The following ATP2B4 variants were observed in gnomAD, a reference collection of about 807,000 sequenced individuals.
ATP2B4 encodes the protein plasma membrane calcium-transporting ATPase 4.
A neutral mutation model predicts 110.3 loss-of-function variants in ATP2B4; 39 were observed. That is an observed-to-expected ratio of 0.35 (90% confidence interval 0.27 to 0.46). The LOEUF (loss-of-function observed/expected upper bound fraction) is 0.46, where lower values mean the gene tolerates loss of function less well. Among genes scored for constraint, ATP2B4 ranks in the 20% least tolerant of loss-of-function variants. The pLI, the probability that ATP2B4 is intolerant of heterozygous loss-of-function variation, is 1.00. For missense variants in ATP2B4, 1,135 were observed against 1,530.9 expected, an observed-to-expected ratio of 0.74 and a Z score of 4.32; for synonymous variants, 538 against 571.7, an observed-to-expected ratio of 0.94 and a Z score of 0.84.
At chr1:203,699,418 C>A (rs1571736466) in intron 3 of ATP2B4, 42 bp from the exon 4 acceptor site, 1 of 1,607,682 alleles carries the variant, frequency 6.2e-7, no homozygotes, top group East Asian at 2.2e-5. Flanking sequence ...TTAATGTCAA[C>A]AAAAGCCCTT....
chr1:203,683,091 C>A lies in ATP2B4; in HGVS notation c.-115C>A. ...ATATTCAATCTATTCCCTCACTGGG[C>A]CCCCAGAGAAGCAAGAAGTAGGAAG... On this transcript the variant is annotated 5_prime_UTR_variant, in exon 2 of 21. Coordinates refer to ENST00000357681, the MANE Select transcript of ATP2B4 (RefSeq NM_001684.5). The A allele has an allele frequency of 1.7e-6, 2 of 1,186,056 alleles. No homozygotes were observed. The highest frequency in any genetic ancestry group is 2.4e-6 in the Non-Finnish European group (2 of 841,378). The allele number at this position is 1,186,056 out of a possible 1,614,324, so 73.5% of individuals were successfully genotyped here. A position where few individuals can be genotyped will look rare whatever the true frequency, so the allele number is the denominator to read the frequency against.
chr1:203,638,137 G>C (rs1318352069), intron 1 of ATP2B4, among the ~76,000 whole-genome samples: 2 of 152,220 alleles, frequency 1.3e-5, no homozygotes, highest in East Asian at 3.9e-4. Context: ...AGGGGAGATG[G>C]GGAGGAAGGG....
Position 203,711,093 on chromosome 1 carries a change from C to T in ATP2B4, c.2016C>T (p.Asp672=). ...GTATCGCGGTGGTGGGCATTGAGGA[C>T]CCTGTGCGCCCAGAGGTGAGAGGGT... ...LTCIAVVGIE[D]PVRPEVPDAI... The change falls in exon 12 of 21, where the codon GAC becomes GAT. Residue 672 remains aspartate (D), a synonymous_variant. Coordinates refer to ENST00000357681, the MANE Select transcript of ATP2B4 (RefSeq NM_001684.5). 1 of 1,613,984 alleles carries T rather than the reference C, an allele frequency of 6.2e-7. No homozygotes were observed. The highest frequency in any genetic ancestry group is 8.5e-7 in the Non-Finnish European group (1 of 1,179,976).
chr1:203,679,866 G>A (rs1488842558), intron 1 of ATP2B4, among the ~76,000 whole-genome samples: 1 of 151,410 alleles, frequency 6.6e-6, no homozygotes, highest in Non-Finnish European at 1.5e-5. Context: ...TGGCAACAGA[G>A]CGAGGCTCCA....
intron 1 of ATP2B4, among the ~76,000 whole-genome samples, chr1:203,678,210 T>C (rs950671392): frequency 2.6e-5 from 4 of 152,212 alleles, no homozygotes; most frequent in African/African-American, 7.2e-5. Context: ...TACCCTACTC[T>C]ATAACCTATA....
rs183923013 is a variant in ATP2B4 at position 203,679,868 on chromosome 1, G to A, written c.-464-2874G>A. Among the ~76,000 whole-genome samples, 17 of 151,572 alleles carry A rather than the reference G, an allele frequency of 1.1e-4. No homozygotes were observed. The East Asian group carries it at 1.7e-3, about 16-fold the overall frequency. On this transcript the variant is annotated intron_variant, in intron 1 of 20. Transcript: ENST00000357681. ...CTGCACTCCAGCCTGGCAACAGAGC[G>A]AGGCTCCATCTCAAAAACAAACAAA...
chr1:203,720,555 G>T lies in ATP2B4; in HGVS notation c.2413G>T (p.Ala805Ser). The T allele has an allele frequency of 6.2e-7, 1 of 1,603,116 alleles. No homozygotes were observed. The highest frequency in any genetic ancestry group is 1.1e-5 in the South Asian group (1 of 88,844). The part of the protein sequence containing the change: ...KADVGFAMGI[A>S]GTDVAKEASD... ...CCCTCCCATCTTACCTCAGGGCATC[G>T]CAGGCACAGATGTAGCAAAGGAGGC... The change falls in exon 16 of 21, where the codon GCA (alanine) becomes TCA (serine). Residue 805 changes from alanine to serine, a missense_variant. Around this residue, in one of 9 missense-constraint regions of ATP2B4, gnomAD observed 70 missense variants for 142.4 expected, o/e 0.49. Coordinates refer to ENST00000357681, the MANE Select transcript of ATP2B4 (RefSeq NM_001684.5).
In ATP2B4 at chr1:203,699,723, A is replaced by T; in HGVS notation, c.649+6A>T. 2 of 1,612,682 alleles carry T rather than the reference A, an allele frequency of 1.2e-6. No individual in the cohort carries two copies. The highest frequency in any genetic ancestry group is 2.7e-5 in the African/African-American group (2 of 74,974). On this transcript the variant is annotated splice_donor_region_variant and intron_variant, in intron 4 of 20. Transcript: ENST00000357681. ...TATTGCCCAAGTCAAATACGGTGAGAGCTCCGTGTTTCTTTTGCTTACCCC... is the reference window on the plus strand; with the variant it reads ...TATTGCCCAAGTCAAATACGGTGAGTGCTCCGTGTTTCTTTTGCTTACCCC...
At chr1:203,692,930 C>T (rs1442846546) in intron 2 of ATP2B4, among the ~76,000 whole-genome samples, 1 of 152,220 alleles carries the variant, frequency 6.6e-6, no homozygotes, top group Non-Finnish European at 1.5e-5. Context: ...CTCTTTGCCT[C>T]TCCCAGCTCA....
intron 15 of ATP2B4, 27 bp from the exon 16 acceptor site, chr1:203,720,522 A>T (rs758917830): frequency 8.2e-6 from 13 of 1,576,148 alleles, no homozygotes; most frequent in Non-Finnish European, 1.1e-5. Flanking sequence ...CCACTCCCTC[A>T]CTGTTTTCCC....
At chr1:203,653,040 G>A (rs552986127) in intron 1 of ATP2B4, among the ~76,000 whole-genome samples, 1 of 152,338 alleles carries the variant, frequency 6.6e-6, no homozygotes, top group Admixed American at 6.5e-5. Context: ...TCTTGTACCA[G>A]TTAGCCAAGC....
At chr1:203,667,100 C>T (rs956996639) in intron 1 of ATP2B4, among the ~76,000 whole-genome samples, 2 of 152,126 alleles carry the variant, frequency 1.3e-5, no homozygotes, top group Non-Finnish European at 2.9e-5. Flanking sequence ...TATAGGTGCG[C>T]ACCACCATGC....
chr1:203,643,827 G>C (rs1310293481), intron 1 of ATP2B4, among the ~76,000 whole-genome samples: 1 of 152,188 alleles, frequency 6.6e-6, no homozygotes, highest in African/African-American at 2.4e-5. Flanking sequence ...TGTTGGTTTT[G>C]GCTGCAGCGT....
At chr1:203,662,447 A>G (rs1664368812) in intron 1 of ATP2B4, among the ~76,000 whole-genome samples, 2 of 152,200 alleles carry the variant, frequency 1.3e-5, no homozygotes, top group African/African-American at 4.8e-5. Context: ...CTCTGTACCC[A>G]TTAAACAATA....
intron 13 of ATP2B4, among the ~76,000 whole-genome samples, chr1:203,712,767 T>C (rs1293841333): frequency 2.0e-5 from 3 of 152,086 alleles, no homozygotes; most frequent in Non-Finnish European, 4.4e-5. Context: ...TGGCTAACAG[T>C]GGCTAAAGGA....
chr1:203,724,048 C>T (rs1666429218), intron 19 of ATP2B4, 60 bp downstream of exon 19: 3 of 1,436,354 alleles, frequency 2.1e-6, no homozygotes, highest in Non-Finnish European at 2.9e-6. Flanking sequence ...CCCTCCTCTA[C>T]ATGAGATGGA....
rs777244281 is a variant in ATP2B4 at position 203,707,044 on chromosome 1, A to G, written c.1135A>G (p.Ile379Val). 36 of 1,613,842 alleles carry G rather than the reference A, an allele frequency of 2.2e-5. No individual in the cohort carries two copies. The highest frequency in any genetic ancestry group is 1.0e-4 in the Admixed American group (6 of 59,986). The change falls in exon 9 of 21, where the codon ATT becomes GTT. Residue 379 changes from isoleucine (I) to valine (V), a missense_variant. Coordinates refer to ENST00000357681, the MANE Select transcript of ATP2B4 (RefSeq NM_001684.5). ...GTCTGCTCTCACGGTTTTCATCCTGATTCTATACTTTGTGATTGACAACTT... is the reference window on the plus strand; with the variant it reads ...GTCTGCTCTCACGGTTTTCATCCTGGTTCTATACTTTGTGATTGACAACTT... ...LMSALTVFIL[I>V]LYFVIDNFVI...
chr1:203,692,704 A>G (rs1048837132), intron 2 of ATP2B4, among the ~76,000 whole-genome samples: 13 of 152,164 alleles, frequency 8.5e-5, no homozygotes, highest in African/African-American at 2.7e-4. Flanking sequence ...GCTGGTTCTG[A>G]TAAGTAGTGC....
intron 9 of ATP2B4, 112 bp from the exon 10 acceptor site, chr1:203,707,750 T>G: frequency 2.1e-6 from 3 of 1,433,246 alleles, no homozygotes; most frequent in Non-Finnish European, 2.9e-6. Flanking sequence ...GATTTTTGTG[T>G]GGGACTGGAA....
Sources: gnomAD v4.1 joint callset for allele counts (sites outside exome capture counted in the v4.1 genomes callset) on GRCh38, gnomAD v4.1.1 for gene constraint, gnomAD v4.1.1 regional missense constraint, MANE v1.5 for transcripts, NCBI Gene and HGNC (gene_info 2026-07-23, HGNC 2026-07-21) for gene names.